TSHZ2: variants seen among roughly 807,000 people sequenced by gnomAD.
TSHZ2 encodes the protein teashirt zinc finger homeobox 2, also known as teashirt homolog 2.
In TSHZ2, 21 loss-of-function variants were observed where a neutral mutation model predicts 74.4. That is an observed-to-expected ratio of 0.28 (90% CI 0.20 to 0.41). The LOEUF (loss-of-function observed/expected upper bound fraction) is 0.41, where lower values mean the gene tolerates loss of function less well. TSHZ2 is among the 10% of genes least tolerant of loss of function. The pLI, the probability that TSHZ2 is intolerant of heterozygous loss-of-function variation, is 1.00. For synonymous variants in TSHZ2, 540 were observed against 515.3 expected (o/e 1.05, Z -0.65); for missense variants, 1,244 against 1,293.5 (o/e 0.96, Z 0.59).
At chr20:53,398,303 G>C (rs2145673480) in intron 2 of TSHZ2, 1 of 152,342 alleles carries the variant, frequency 6.6e-6, no homozygotes, top group African/African-American at 2.4e-5. Flanking sequence ...ATCTGGACAT[G>C]AGAAATGTGC....
At chr20:53,312,408 A>G (rs192102963) in intron 2 of TSHZ2, among the ~76,000 whole-genome samples, 1 of 152,198 alleles carries the variant, frequency 6.6e-6, no homozygotes, top group East Asian at 1.9e-4. Context: ...AGGGTGCAAA[A>G]CCCTGAATGG....
chr20:53,017,979 G>A (rs1228086173), intron 1 of TSHZ2, among the ~76,000 whole-genome samples: 1 of 152,196 alleles, frequency 6.6e-6, no homozygotes, highest in African/African-American at 2.4e-5. Flanking sequence ...CCTAGGTGGA[G>A]TATGCAATGC....
intron 1 of TSHZ2, among the ~76,000 whole-genome samples, chr20:53,012,447 A>T (rs764471724): frequency 5.9e-5 from 9 of 152,130 alleles, no homozygotes; most frequent in Non-Finnish European, 1.3e-4. Flanking sequence ...TGCCAACCCA[A>T]ATGAATCAGG....
intron 1 of TSHZ2, among the ~76,000 whole-genome samples, chr20:53,042,158 T>C (rs942058035): frequency 6.6e-6 from 1 of 152,238 alleles, no homozygotes. Flanking sequence ...TAAATATAGG[T>C]ATTTATCCCT....
intron 2 of TSHZ2, among the ~76,000 whole-genome samples, chr20:53,396,987 A>G (rs1270661278): frequency 6.6e-6 from 1 of 152,220 alleles, no homozygotes; most frequent in Non-Finnish European, 1.5e-5. Flanking sequence ...AGATGGATTA[A>G]AGACTTAAAT....
At chr20:53,418,592 CACG>C (rs1006242302) in intron 2 of TSHZ2, among the ~76,000 whole-genome samples, 8 of 152,216 alleles carry the variant, frequency 5.3e-5, no homozygotes, top group Admixed American at 3.9e-4. Flanking sequence ...TATTCACTAA[CACG>C]ACAACAGCAC....
chr20:53,349,421 G>A (rs952776478), intron 2 of TSHZ2, among the ~76,000 whole-genome samples: 2 of 152,220 alleles, frequency 1.3e-5, no homozygotes, highest in Admixed American at 6.5e-5. Flanking sequence ...AGAGGCTGAG[G>A]AAGGCAGATC....
At chr20:53,461,121 CG>C in intron 2 of TSHZ2, among the ~76,000 whole-genome samples, 1 of 152,238 alleles carries the variant, frequency 6.6e-6, no homozygotes, top group East Asian at 1.9e-4. Context: ...TGGGCAATGG[CG>C]GGCGCCCCTC....
At chr20:53,243,825 T>A (rs1990132205) in intron 1 of TSHZ2, among the ~76,000 whole-genome samples, 1 of 151,202 alleles carries the variant, frequency 6.6e-6, no homozygotes, top group African/African-American at 2.4e-5. Context: ...TTGCTTGCTT[T>A]TTTTTTTTTT....
At position 53,285,285 on chromosome 20, in the gene TSHZ2, A is replaced by C. The variant is rs1160361292; in HGVS notation, c.*8+28714A>C. 2.0e-5 allele frequency among the ~76,000 whole-genome samples: 3 copies of C among 152,316 alleles called. No individual in the cohort carries two copies. The East Asian group carries it at 5.8e-4, about 29-fold the overall frequency. Reference sequence around the variant, plus strand: ...TTTCATACAGCAGTGTTTGGATAGGAGTCTCTTCTCCTGAGGATCCAGGAG... The same window carrying C: ...TTTCATACAGCAGTGTTTGGATAGGCGTCTCTTCTCCTGAGGATCCAGGAG... On this transcript the variant is annotated intron_variant, in intron 2 of 2. Transcript: ENST00000371497.
intron 2 of TSHZ2, among the ~76,000 whole-genome samples, chr20:53,287,124 A>G (rs954705620): frequency 5.3e-5 from 8 of 152,228 alleles, no homozygotes; most frequent in African/African-American, 1.9e-4. Flanking sequence ...TAGTAGGAAC[A>G]AATTATTTCT....
intron 2 of TSHZ2, among the ~76,000 whole-genome samples, chr20:53,411,686 A>G (rs1213751949): frequency 6.6e-6 from 1 of 152,102 alleles, no homozygotes; most frequent in Admixed American, 6.5e-5. Context: ...AAAATTGGAC[A>G]GGTAGGTTGG....
chr20:53,332,377 G>A (rs899210496), intron 2 of TSHZ2, among the ~76,000 whole-genome samples: 1 of 152,154 alleles, frequency 6.6e-6, no homozygotes, highest in Non-Finnish European at 1.5e-5. Flanking sequence ...AGGTCCTGGG[G>A]TGCAACACAG....
chr20:53,092,155 C>T (rs1196228892), intron 1 of TSHZ2, among the ~76,000 whole-genome samples: 2 of 152,004 alleles, frequency 1.3e-5, no homozygotes, highest in Non-Finnish European at 2.9e-5. Flanking sequence ...AATATCGTTT[C>T]CTTGTGTGAC....
intron 2 of TSHZ2, among the ~76,000 whole-genome samples, chr20:53,343,018 G>A (rs1415261711): frequency 1.6e-5 from 2 of 128,884 alleles, no homozygotes; most frequent in African/African-American, 5.9e-5. Context: ...CCAGGCTGGA[G>A]TGCAGTGGCA....
At chr20:53,379,932 G>A (rs909937362) in intron 2 of TSHZ2, among the ~76,000 whole-genome samples, 1 of 152,266 alleles carries the variant, frequency 6.6e-6, no homozygotes, top group East Asian at 1.9e-4. Context: ...CATCACAAAT[G>A]CAGGAAACCA....
rs201107992 is a variant in TSHZ2 at position 53,255,287 on chromosome 20, C to G, written c.1829C>G (p.Ala610Gly). The G allele has an allele frequency of 6.2e-7, 1 of 1,614,172 alleles. No individual in the cohort carries two copies. The highest frequency in any genetic ancestry group is 1.3e-5 in the African/African-American group (1 of 75,036). The change falls in exon 2 of 3, where the codon GCG becomes GGG. Residue 610 changes from alanine to glycine, a missense_variant. By Grantham distance (60) the Ala-to-Gly change is moderately conservative. Around this residue, in one of 6 missense-constraint regions of TSHZ2, gnomAD observed 562 missense variants for 544.0 expected, o/e 1.03. Transcript: ENST00000371497. This position sits in a 1 kb window ranked among gnomAD's most constrained non-coding sequence, Gnocchi z 4.1. ...VKKESEDKDE[A>G]VKECGKESPH... ...AAAGAGTCAGAAGACAAAGATGAAG[C>G]GGTGAAGGAGTGTGGGAAAGAAAGT...
chr20:53,384,665 CTT>C (rs1056070046), intron 2 of TSHZ2, among the ~76,000 whole-genome samples: 24 of 152,138 alleles, frequency 1.6e-4, no homozygotes, highest in African/African-American at 5.6e-4. Flanking sequence ...ACAATTAAAA[CTT>C]GAAGTTGTAA....
intron 2 of TSHZ2, among the ~76,000 whole-genome samples, chr20:53,423,966 G>A (rs73135933): frequency 0.062 from 9,507 of 152,244 alleles, 389 homozygotes; most frequent in African/African-American, 0.12. Flanking sequence ...CCCCGACGAC[G>A]CGCAGGACAG....
Sources: allele counts gnomAD v4.1 joint callset (sites outside exome capture counted in the v4.1 genomes callset), GRCh38; gene constraint gnomAD v4.1.1; regional missense constraint gnomAD v4.1.1; non-coding constraint Gnocchi (gnomAD v3.1); transcripts MANE v1.5; gene names NCBI Gene and HGNC (gene_info 2026-07-23, HGNC 2026-07-21).